The following ZDHHC11 variants were observed in gnomAD, a reference collection of about 807,000 sequenced individuals.
The protein encoded by ZDHHC11 is zDHHC palmitoyltransferase 11, also known as palmitoyltransferase ZDHHC11.
A neutral mutation model predicts 51.3 loss-of-function variants in ZDHHC11; 44 were observed. That is an observed-to-expected ratio of 0.86 (90% CI 0.67 to 1.10). The LOEUF (loss-of-function observed/expected upper bound fraction) is 1.10, where lower values mean the gene tolerates loss of function less well. Among genes scored for constraint, ZDHHC11 ranks in the 50% least tolerant of loss-of-function variants. The pLI, the probability that ZDHHC11 is intolerant of heterozygous loss-of-function variation, is 0.00. For synonymous variants in ZDHHC11, 163 were observed against 222.0 expected, an observed-to-expected ratio of 0.73 and a Z score of 2.36; for missense variants, 400 against 537.7, an observed-to-expected ratio of 0.74 and a Z score of 2.53.
At chr5:829,145 C>G (rs1742731405) in intron 7 of ZDHHC11, among the ~76,000 whole-genome samples, 1 of 143,578 alleles carries the variant, frequency 7.0e-6, no homozygotes, top group African/African-American at 2.6e-5. Flanking sequence ...TAATAACGAA[C>G]ATCAGAGCAG....
chr5:857,383 G>C (rs1466334777), intron 1 of ZDHHC11, among the ~76,000 whole-genome samples: 1 of 152,180 alleles, frequency 6.6e-6, no homozygotes, highest in Non-Finnish European at 1.5e-5. Context: ...CCCTGCCACA[G>C]ACCCCAGAGA....
At chr5:846,216 T>C (rs960700692) in intron 3 of ZDHHC11, among the ~76,000 whole-genome samples, 5 of 151,060 alleles carry the variant, frequency 3.3e-5, no homozygotes, top group Non-Finnish European at 5.9e-5. Flanking sequence ...TCTGGACACA[T>C]GCTGTGCTCC....
intron 4 of ZDHHC11, chr5:840,932 G>T: frequency 7.2e-7 from 1 of 1,395,314 alleles, no homozygotes; most frequent in Non-Finnish European, 9.3e-7. Context: ...CTAAGTGCTG[G>T]GGTCACAGCG....
At chr5:812,322 C>A (rs1740195900) in intron 11 of ZDHHC11, among the ~76,000 whole-genome samples, 1 of 151,934 alleles carries the variant, frequency 6.6e-6, no homozygotes, top group Admixed American at 6.6e-5. Context: ...GAAAGAAATA[C>A]GTTGGAAACA....
rs1746428871 is a variant in ZDHHC11, at chr5:847,428, A to G, written c.503+86T>C. The stretch of plus-strand genomic sequence containing the variant: ...CCCCAAGAGGACCCTCCACCCTTTC[A>G]ACACGATGACCCCTGCCCACAGACC... On this transcript the variant is annotated intron_variant, in intron 3 of 12. Coordinates refer to ENST00000283441, the MANE Select transcript of ZDHHC11 (RefSeq NM_024786.3). 2.4e-5 allele frequency: 37 copies of G among 1,557,012 alleles called. 1 individual carries two copies. In the South Asian group the frequency reaches 4.0e-4, roughly 17 times the overall value.
intron 9 of ZDHHC11, among the ~76,000 whole-genome samples, 189 bp from the exon 10 acceptor site, chr5:819,801 G>C (rs1741330145): frequency 6.6e-6 from 1 of 151,254 alleles, no homozygotes; most frequent in South Asian, 2.1e-4. Context: ...GAAACAGAAG[G>C]AGCTTCTCGT....
chr5:848,686 C>T, intron 1 of ZDHHC11, 26 bp from the exon 2 acceptor site: 3 of 1,610,804 alleles, frequency 1.9e-6, no homozygotes, highest in Non-Finnish European at 2.5e-6. Context: ...AGAACCTGGC[C>T]CAGGGCCTGG....
chr5:836,418 G>T (rs1385886333), intron 6 of ZDHHC11, among the ~76,000 whole-genome samples: 1 of 150,386 alleles, frequency 6.6e-6, no homozygotes, highest in African/African-American at 2.5e-5. Context: ...GTTTCCCAAG[G>T]TCTTATCAGT....
intron 6 of ZDHHC11, among the ~76,000 whole-genome samples, chr5:835,052 A>C (rs1320351969): frequency 6.6e-6 from 1 of 151,642 alleles, no homozygotes; most frequent in African/African-American, 2.4e-5. Context: ...TTTTTCTTTA[A>C]TAGGCAGTGA....
At chr5:821,653 C>CAA (rs1741582909) in intron 9 of ZDHHC11, among the ~76,000 whole-genome samples, 1 of 149,678 alleles carries the variant, frequency 6.7e-6, no homozygotes, top group African/African-American at 2.5e-5. Flanking sequence ...AAACAAATCA[C>CAA]AGAGCCTTTA....
intron 10 of ZDHHC11, among the ~76,000 whole-genome samples, chr5:817,833 G>A (rs1480720699): frequency 2.6e-5 from 4 of 151,300 alleles, no homozygotes; most frequent in African/African-American, 9.7e-5. Context: ...TGTTTCTGGA[G>A]TTTCCAGTTT....
At chr5:846,468 C>T (rs1212344834) in intron 3 of ZDHHC11, among the ~76,000 whole-genome samples, 5 of 150,904 alleles carry the variant, frequency 3.3e-5, no homozygotes, top group African/African-American at 1.2e-4. Context: ...AAACACCTCT[C>T]ATCTATGAGC....
intron 3 of ZDHHC11, among the ~76,000 whole-genome samples, chr5:844,854 A>T (rs775667324): frequency 6.6e-6 from 1 of 152,308 alleles, no homozygotes; most frequent in South Asian, 2.1e-4. Context: ...GATGCAGAGA[A>T]TAATCCATCC....
At chr5:802,744 TGG>T (rs1211341536) in intron 11 of ZDHHC11, among the ~76,000 whole-genome samples, 1 of 138,914 alleles carries the variant, frequency 7.2e-6, no homozygotes, top group Non-Finnish European at 1.5e-5. Context: ...GAGACCGAGG[TGG>T]GTGGATCACG....
intron 7 of ZDHHC11, among the ~76,000 whole-genome samples, chr5:830,027 C>G (rs1353056538): frequency 6.7e-6 from 1 of 148,478 alleles, no homozygotes; most frequent in African/African-American, 2.5e-5. Flanking sequence ...CCACAGCCAA[C>G]ATTATACTGA....
In ZDHHC11 at chr5:819,529, G is replaced by A; in HGVS notation, c.1142C>T (p.Ala381Val). The change falls in exon 10 of 13, where the codon GCA becomes GTA. Residue 381 changes from alanine (A) to valine (V), a missense_variant. By Grantham distance (64) the Ala-to-Val change is moderately conservative (BLOSUM62 0). Around this residue, in one of 5 missense-constraint regions of ZDHHC11, gnomAD observed 231 missense variants for 227.4 expected, o/e 1.02. Transcript: ENST00000283441. The part of the protein sequence containing the change: ...TRVHPDGGSM[A>V]QEADDAPSIS... Reference sequence around the variant, plus strand: ...GCGCCAGTGATTGCAACTTACCTGTGCCATCGAGCCCCCGTCTGGGTGTAC... The same window carrying A: ...GCGCCAGTGATTGCAACTTACCTGTACCATCGAGCCCCCGTCTGGGTGTAC... 1 of 1,609,348 alleles carries A rather than the reference G, an allele frequency of 6.2e-7. No homozygotes were observed. The highest frequency in any genetic ancestry group is 8.5e-7 in the Non-Finnish European group (1 of 1,176,250).
At chr5:857,298 C>A (rs1187047124) in intron 1 of ZDHHC11, among the ~76,000 whole-genome samples, 10 of 152,202 alleles carry the variant, frequency 6.6e-5, no homozygotes, top group Admixed American at 6.5e-4. Flanking sequence ...CTGCCCCCAT[C>A]TGTGGATGTG....
At chr5:830,272 T>C (rs1458965335) in intron 7 of ZDHHC11, among the ~76,000 whole-genome samples, 1 of 48,062 alleles carries the variant, frequency 2.1e-5, no homozygotes, top group Non-Finnish European at 4.6e-5. Context: ...ATCTGATAAA[T>C]GAATTCAGTA....
In ZDHHC11 at chr5:837,396, G is replaced by A. The variant is rs752595732; in HGVS notation, c.869C>T (p.Pro290Leu). 1 of 1,613,634 alleles carries A rather than the reference G, an allele frequency of 6.2e-7. No homozygotes were observed. Among genetic ancestry groups the A allele is most frequent in the African/African-American group, 1.3e-5 (1 of 74,906 alleles). Reference protein sequence around the residue: ...SSKHQAVRKDPYVQMDKGVLQ... With the variant: ...SSKHQAVRKDLYVQMDKGVLQ... The stretch of plus-strand genomic sequence containing the variant: ...AACTCCTTTGTCCATTTGCACGTAT[G>A]GATCTTTCCTCACTGCTTGATGTTT... Residue 290 changes from proline (P) to leucine (L), a missense_variant, in exon 6 of 13, where the codon CCA becomes CTA. This residue lies in a region of ZDHHC11 where 231 missense variants were observed against 227.4 expected (regional missense o/e 1.02). Coordinates refer to ENST00000283441, the MANE Select transcript of ZDHHC11 (RefSeq NM_024786.3).
Sources: gnomAD v4.1 joint callset for allele counts (sites outside exome capture counted in the v4.1 genomes callset) on GRCh38, gnomAD v4.1.1 for gene constraint, gnomAD v4.1.1 regional missense constraint, MANE v1.5 for transcripts, NCBI Gene and HGNC (gene_info 2026-07-23, HGNC 2026-07-21) for gene names.